The following PDZRN3 variants were observed in gnomAD, a reference collection of about 807,000 sequenced individuals.
PDZRN3 encodes the protein PDZ domain containing ring finger 3, also known as E3 ubiquitin-protein ligase PDZRN3.
Under a neutral mutation model 85.7 loss-of-function variants are expected in PDZRN3, and 38 were observed. The ratio of observed to expected loss-of-function variants is 0.44; its 90% confidence interval spans 0.34 to 0.58. PDZRN3 has a LOEUF of 0.58. PDZRN3 is among the 20% of genes least tolerant of loss of function. The pLI is 0.01. For synonymous variants in PDZRN3, 759 were observed against 638.0 expected, an observed-to-expected ratio of 1.19 and a Z score of -2.86; for missense variants, 1,629 against 1,506.4, an observed-to-expected ratio of 1.08 and a Z score of -1.35.
At chr3:73,530,469 T>A (rs1164588154) in intron 3 of PDZRN3, among the ~76,000 whole-genome samples, 1 of 152,174 alleles carries the variant, frequency 6.6e-6, no homozygotes, top group African/African-American at 2.4e-5. Flanking sequence ...CCAAGGCAAT[T>A]CTTGGCGCTT....
intron 3 of PDZRN3, among the ~76,000 whole-genome samples, chr3:73,588,368 A>G (rs1444072069): frequency 6.6e-6 from 1 of 152,188 alleles, no homozygotes; most frequent in African/African-American, 2.4e-5. Flanking sequence ...CATCTTTACT[A>G]TTGTAAACAG....
chr3:73,410,184 TA>T (rs1350269514), intron 3 of PDZRN3, among the ~76,000 whole-genome samples: 3 of 152,032 alleles, frequency 2.0e-5, no homozygotes, highest in Admixed American at 6.6e-5. Context: ...TTAGGTTGGA[TA>T]AAAAAAAGTC....
chr3:73,576,506 A>T (rs1015133559), intron 3 of PDZRN3, among the ~76,000 whole-genome samples: 19 of 152,124 alleles, frequency 1.2e-4, no homozygotes, highest in Admixed American at 1.3e-4. Flanking sequence ...CTTTCTGTAT[A>T]AAAAAAATCA....
intron 3 of PDZRN3, among the ~76,000 whole-genome samples, chr3:73,483,661 C>T (rs1020042028): frequency 1.3e-5 from 2 of 152,150 alleles, no homozygotes; most frequent in African/African-American, 4.8e-5. Context: ...CTAGAAATGA[C>T]AACTACAACC....
At chr3:73,432,275 G>A (rs1377482463) in intron 3 of PDZRN3, among the ~76,000 whole-genome samples, 1 of 152,144 alleles carries the variant, frequency 6.6e-6, no homozygotes, top group Non-Finnish European at 1.5e-5. Flanking sequence ...ATGGGGGCCA[G>A]ATCGCCAGTG....
At chr3:73,487,945 T>G (rs1243429367) in intron 3 of PDZRN3, among the ~76,000 whole-genome samples, 1 of 152,182 alleles carries the variant, frequency 6.6e-6, no homozygotes, top group African/African-American at 2.4e-5. Context: ...CTCACAGCAG[T>G]GTGTAGGAGA....
At chr3:73,605,207 CAA>C (rs767574608) in intron 2 of PDZRN3, among the ~76,000 whole-genome samples, 19 of 96,382 alleles carry the variant, frequency 2.0e-4, no homozygotes, top group Non-Finnish European at 1.7e-4. Context: ...ACCCCCGTCT[CAA>C]AAAAAAAAAA....
At chr3:73,396,533 CATCCTGCATAATCTCCAGGTCA>C (rs1701640837) in intron 5 of PDZRN3, among the ~76,000 whole-genome samples, 1 of 152,204 alleles carries the variant, frequency 6.6e-6, no homozygotes, top group Non-Finnish European at 1.5e-5. Context: ...CTGGCTGGGG[CATCCTGCATAATCTCCAGGTCA>C]ATCCTGGTTC....
intron 3 of PDZRN3, among the ~76,000 whole-genome samples, chr3:73,550,031 T>C (rs1478028492): frequency 3.9e-5 from 6 of 152,232 alleles, no homozygotes; most frequent in Non-Finnish European, 2.9e-5. Flanking sequence ...CCAACTTGCC[T>C]ATGAACCGGG....
chr3:73,511,160 T>C (rs930414874), intron 3 of PDZRN3, among the ~76,000 whole-genome samples: 28 of 152,194 alleles, frequency 1.8e-4, no homozygotes, highest in African/African-American at 6.8e-4. Flanking sequence ...TTTCATGCTT[T>C]TCTCTATTTT....
At chr3:73,424,373 A>AAC in intron 3 of PDZRN3, among the ~76,000 whole-genome samples, 1 of 142,252 alleles carries the variant, frequency 7.0e-6, no homozygotes, top group East Asian at 2.0e-4. Context: ...CTACCAAAAA[A>AAC]AAAAAAAAAA....
At chr3:73,565,155 T>G (rs1453725624) in intron 3 of PDZRN3, among the ~76,000 whole-genome samples, 8 of 145,940 alleles carry the variant, frequency 5.5e-5, no homozygotes, top group African/African-American at 1.8e-4. Context: ...TTGAGATGGA[T>G]TCTTACTCTG....
At chr3:73,429,589 T>G (rs1702388597) in intron 3 of PDZRN3, among the ~76,000 whole-genome samples, 1 of 152,210 alleles carries the variant, frequency 6.6e-6, no homozygotes, top group African/African-American at 2.4e-5. Context: ...GAAATCTGTG[T>G]TTTTCTATCC....
chr3:73,607,758 A>G (rs1332487719), intron 2 of PDZRN3, among the ~76,000 whole-genome samples: 3 of 151,752 alleles, frequency 2.0e-5, no homozygotes, highest in African/African-American at 7.3e-5. Context: ...TTCTTGTCTG[A>G]CATCCCCACC....
intron 3 of PDZRN3, among the ~76,000 whole-genome samples, chr3:73,512,753 A>AAG (rs1303945920): frequency 1.3e-5 from 2 of 152,224 alleles, no homozygotes; most frequent in Non-Finnish European, 2.9e-5. Flanking sequence ...AGTCATACTG[A>AAG]AGGCCTTGTA....
At chr3:73,389,783 C>G (rs1396173264) in intron 7 of PDZRN3, 33 bp downstream of exon 7, 12 of 1,478,466 alleles carry the variant, frequency 8.1e-6, no homozygotes, top group Non-Finnish European at 1.1e-5. Context: ...GTGATAGGCC[C>G]ATCATGAGGC....
chr3:73,383,424 T>C lies in PDZRN3; in HGVS notation c.3142A>G (p.Thr1048Ala), dbSNP rs779264459. 5.5e-5 allele frequency: 89 copies of C among 1,614,006 alleles called. No homozygotes were observed. Among genetic ancestry groups the C allele is most frequent in the Non-Finnish European group, 7.4e-5 (87 of 1,180,004 alleles). Residue 1048 changes from threonine (T) to alanine (A), a missense_variant, in exon 10 of 10, where the codon ACA becomes GCA. Thr to Ala is a moderately conservative substitution (Grantham distance 58, BLOSUM62 0). Coordinates refer to ENST00000263666, the MANE Select transcript of PDZRN3 (RefSeq NM_015009.3). ...ACTCTAGTGCCGTCCGGGGATTTTG[T>C]GCCGTGGGTTAAGAGTTCTTGGATC... ...MTIQELLTHG[T>A]KSPDGTRVYN...
At chr3:73,473,166 C>T (rs1323571022) in intron 3 of PDZRN3, among the ~76,000 whole-genome samples, 1 of 152,190 alleles carries the variant, frequency 6.6e-6, no homozygotes, top group East Asian at 1.9e-4. Context: ...TATTCTACAA[C>T]CTTCCACTAT....
intron 3 of PDZRN3, among the ~76,000 whole-genome samples, chr3:73,560,679 G>A (rs573025248): frequency 1.7e-4 from 26 of 152,252 alleles, no homozygotes; most frequent in African/African-American, 5.3e-4. Context: ...GGAAATGTTC[G>A]GCAGATGGAT....
Sources: allele counts gnomAD v4.1 joint callset (sites outside exome capture counted in the v4.1 genomes callset), GRCh38; gene constraint gnomAD v4.1.1; transcripts MANE v1.5; gene names NCBI Gene and HGNC (gene_info 2026-07-23, HGNC 2026-07-21).